TENT5D: variants seen among roughly 807,000 people sequenced by gnomAD.
TENT5D encodes the protein cancer/testis antigen 112.
For synonymous variants in TENT5D, 103 were observed against 100.6 expected (o/e 1.02, Z -0.15); for missense variants, 191 against 287.0 (o/e 0.67, Z 2.42).
At chrX:80,427,920 G>A (rs1049402098) in intron 1 of TENT5D, among the ~76,000 whole-genome samples, 2 of 111,777 alleles carry the variant, frequency 1.8e-5, no homozygotes, top group Non-Finnish European at 3.8e-5. Flanking sequence ...CAGATTGGAG[G>A]AAAATAATTT....
At chrX:80,337,872 C>G (rs991741492) in intron 2 of TENT5D, among the ~76,000 whole-genome samples, 2 of 110,397 alleles carry the variant, frequency 1.8e-5, no homozygotes, top group Non-Finnish European at 3.8e-5. Flanking sequence ...TCAAGAGATT[C>G]TCCTGCCTCA....
chrX:80,388,235 G>A (rs1261624724), intron 3 of TENT5D, among the ~76,000 whole-genome samples: 1 of 111,037 alleles, frequency 9.0e-6, no homozygotes, highest in Non-Finnish European at 1.9e-5. Context: ...CCAAGCTGTG[G>A]CCAAGCTCAC....
At chrX:80,443,589 G>T (rs1373395298) in exon 3 of TENT5D, 1 of 1,208,854 alleles carries the variant, frequency 8.3e-7, no homozygotes, top group East Asian at 3.0e-5. Flanking sequence ...GCTTTTATCA[G>T]CCTGCTCCGT....
intron 3 of TENT5D, among the ~76,000 whole-genome samples, chrX:80,412,208 G>T (rs1042489156): frequency 8.9e-6 from 1 of 112,674 alleles, no homozygotes; most frequent in Non-Finnish European, 1.9e-5. Flanking sequence ...TGGCTGGGGA[G>T]CAGCTGGGAC....
At chrX:80,340,399 G>A (rs1929935661) in intron 2 of TENT5D, among the ~76,000 whole-genome samples, 1 of 110,564 alleles carries the variant, frequency 9.0e-6, no homozygotes, top group South Asian at 3.8e-4. Context: ...TCTAGATATG[G>A]CTTTTATTTA....
intron 3 of TENT5D, among the ~76,000 whole-genome samples, chrX:80,381,012 T>G (rs1220251574): frequency 8.9e-6 from 1 of 111,992 alleles, no homozygotes. Flanking sequence ...TGATGTTAGC[T>G]GCTTATTTTG....
intron 1 of TENT5D, among the ~76,000 whole-genome samples, chrX:80,436,040 G>T (rs997208702): frequency 7.2e-5 from 8 of 111,526 alleles, no homozygotes; most frequent in Non-Finnish European, 1.5e-4. Context: ...TCAACTTTCA[G>T]TATATGTACC....
At chrX:80,383,855 C>CA (rs1196145331) in intron 3 of TENT5D, among the ~76,000 whole-genome samples, 54 of 100,507 alleles carry the variant, frequency 5.4e-4, no homozygotes, top group East Asian at 5.2e-3. Flanking sequence ...GACTCCATCT[C>CA]AAAAAAAAAA....
intron 3 of TENT5D, among the ~76,000 whole-genome samples, chrX:80,367,209 G>A (rs1930528665): frequency 9.0e-6 from 1 of 111,275 alleles, no homozygotes; most frequent in Admixed American, 9.6e-5. Context: ...TTTAAAATTT[G>A]TCTTAACATT....
At chrX:80,359,553 G>A (rs770292896) in intron 3 of TENT5D, among the ~76,000 whole-genome samples, 170 of 110,878 alleles carry the variant, frequency 1.5e-3, no homozygotes, top group African/African-American at 5.3e-3. Context: ...ACTAAACATC[G>A]CTTGTTCTCA....
At chrX:80,414,613 A>C (rs1931732235) in intron 3 of TENT5D, among the ~76,000 whole-genome samples, 1 of 112,075 alleles carries the variant, frequency 8.9e-6, no homozygotes, top group Admixed American at 9.5e-5. Flanking sequence ...GGGACAACTC[A>C]AAGTAGGTGT....
intron 1 of TENT5D, among the ~76,000 whole-genome samples, chrX:80,438,201 C>A (rs920361054): frequency 9.1e-6 from 1 of 110,300 alleles, no homozygotes; most frequent in African/African-American, 3.3e-5. Flanking sequence ...CTTAAAGTGT[C>A]ATTCCCTGAC....
chrX:80,432,491 G>C (rs963252906), intron 1 of TENT5D, among the ~76,000 whole-genome samples: 1 of 111,902 alleles, frequency 8.9e-6, no homozygotes, highest in Non-Finnish European at 1.9e-5. Context: ...TTAACTGGCC[G>C]AAAGGAACCC....
intron 2 of TENT5D, among the ~76,000 whole-genome samples, chrX:80,440,844 A>C (rs2147571962): frequency 9.0e-6 from 1 of 111,387 alleles, no homozygotes; most frequent in South Asian, 3.7e-4. Context: ...CTTTACATGA[A>C]GCCAGCCAGT....
chrX:80,408,445 T>C (rs1388978119), intron 3 of TENT5D, among the ~76,000 whole-genome samples: 4 of 109,875 alleles, frequency 3.6e-5, no homozygotes, highest in Non-Finnish European at 7.6e-5. Context: ...AAATACAAAC[T>C]ACCATCAGAG....
chrX:80,387,068 C>G (rs1167158171), intron 3 of TENT5D, among the ~76,000 whole-genome samples: 2 of 112,074 alleles, frequency 1.8e-5, no homozygotes, highest in Non-Finnish European at 3.8e-5. Flanking sequence ...CTGTCTTGAT[C>G]CATGGTGAGT....
intron 1 of TENT5D, among the ~76,000 whole-genome samples, chrX:80,429,427 C>T (rs1039110918): frequency 3.6e-5 from 4 of 110,152 alleles, no homozygotes; most frequent in Admixed American, 2.9e-4. Context: ...CTCAGCCTCC[C>T]GAGTAGCTGG....
At chrX:80,400,367 A>G (rs1210617552) in intron 3 of TENT5D, among the ~76,000 whole-genome samples, 1 of 111,441 alleles carries the variant, frequency 9.0e-6, no homozygotes, top group Non-Finnish European at 1.9e-5. Flanking sequence ...TTTCCTATGG[A>G]AACACCCTCA....
At chrX:80,383,097 CTG>C (rs1206506414) in intron 3 of TENT5D, among the ~76,000 whole-genome samples, 1 of 112,374 alleles carries the variant, frequency 8.9e-6, no homozygotes, top group Non-Finnish European at 1.9e-5. Flanking sequence ...GAGCTACAGA[CTG>C]GAGCTGTTCC....
Sources: allele counts gnomAD v4.1 joint callset (sites outside exome capture counted in the v4.1 genomes callset), GRCh38; gene constraint gnomAD v4.1.1; transcripts MANE v1.5; gene names NCBI Gene and HGNC (gene_info 2026-07-23, HGNC 2026-07-21).